The following MYOM1 variants were observed in gnomAD, a reference collection of about 807,000 sequenced individuals.
The protein encoded by MYOM1 is myomesin 1.
A neutral mutation model predicts 205.3 loss-of-function variants in MYOM1; 164 were observed. The ratio of observed to expected loss-of-function variants is 0.80; its 90% CI spans 0.70 to 0.91. The LOEUF (loss-of-function observed/expected upper bound fraction) is 0.91, where lower values mean the gene tolerates loss of function less well. Ranked by LOEUF, MYOM1 falls within the 40% of genes least tolerant of loss-of-function variation. The probability of loss-of-function intolerance (pLI) is 0.00; values close to 1 mark genes in which losing one functional copy is unlikely to be tolerated. For synonymous variants in MYOM1, 772 were observed against 789.4 expected (o/e 0.98, Z 0.37); for missense variants, 2,011 against 2,127.3 (o/e 0.95, Z 1.08).
intron 2 of MYOM1, among the ~76,000 whole-genome samples, chr18:3,202,880 G>A (rs1161000855): frequency 1.3e-5 from 2 of 151,950 alleles, no homozygotes. Context: ...CATTCTCAAG[G>A]AGGGTTCATA....
Position 3,181,713 on chromosome 18 carries a change from C to CT in MYOM1, c.930-5580dup, listed in dbSNP as rs768912089. 7.5e-5 allele frequency among the ~76,000 whole-genome samples: 11 copies of CT among 147,208 alleles called. No homozygotes were observed. In the East Asian group the frequency reaches 2.2e-3, roughly 30 times the overall value. On this transcript the variant is annotated intron_variant, in intron 5 of 37. Coordinates refer to ENST00000356443, the MANE Select transcript of MYOM1 (RefSeq NM_003803.4). ...CTTTAAGTATCTATTTGACAACGAC[C>CT]TTTGGGTGAAACTGAATAATTTTTT... is the stretch of plus-strand genomic sequence containing the variant.
At chr18:3,091,223 G>C (rs933331569) in intron 26 of MYOM1, among the ~76,000 whole-genome samples, 1 of 152,146 alleles carries the variant, frequency 6.6e-6, no homozygotes, top group African/African-American at 2.4e-5. Flanking sequence ...GGCTGAGCCA[G>C]GAGAATTGCT....
At chr18:3,142,198 A>C in intron 13 of MYOM1, 135 bp from the exon 14 acceptor site, 3 of 1,057,794 alleles carry the variant, frequency 2.8e-6, no homozygotes, top group Non-Finnish European at 4.0e-6. Flanking sequence ...CTTCTCTCTA[A>C]AATTCCCCCA....
At chr18:3,147,387 A>C (rs1033646762) in intron 13 of MYOM1, among the ~76,000 whole-genome samples, 2 of 151,992 alleles carry the variant, frequency 1.3e-5, no homozygotes, top group African/African-American at 4.8e-5. Context: ...AAGCTAAATG[A>C]ATGGAGATAC....
Position 3,074,304 on chromosome 18 carries a change from G to GGGAGT in MYOM1, c.4708+1145_4708+1149dup, listed in dbSNP as rs1169786571. ...TGAGCAGGAGGGGGAAAGTGGAGAA[G>GGGAGT]GGAGTGGAGGGGAGCAGTGCAAGTT... On this transcript the variant is annotated intron_variant, in intron 36 of 37. Coordinates refer to ENST00000356443, the MANE Select transcript of MYOM1 (RefSeq NM_003803.4). 2.0e-5 allele frequency among the ~76,000 whole-genome samples: 3 copies of GGGAGT among 152,262 alleles called. No individual in the cohort carries two copies. In the South Asian group the frequency reaches 6.2e-4, roughly 32 times the overall value.
intron 33 of MYOM1, among the ~76,000 whole-genome samples, chr18:3,082,312 C>G (rs902088706): frequency 6.6e-6 from 1 of 152,188 alleles, no homozygotes; most frequent in African/African-American, 2.4e-5. Context: ...CATGATGAAC[C>G]GGGCTCTGGA....
intron 5 of MYOM1, among the ~76,000 whole-genome samples, chr18:3,182,907 T>TTTC: frequency 6.7e-6 from 1 of 149,048 alleles, no homozygotes; most frequent in Non-Finnish European, 1.5e-5. Flanking sequence ...CTAACTTTTC[T>TTTC]TTCTTCTTTT....
At chr18:3,127,664 C>G (rs1179786072) in intron 18 of MYOM1, among the ~76,000 whole-genome samples, 2 of 152,056 alleles carry the variant, frequency 1.3e-5, no homozygotes, top group Non-Finnish European at 2.9e-5. Flanking sequence ...GGCACACTTA[C>G]CCTTGTGAGA....
At chr18:3,141,206 G>A (rs9951727) in intron 14 of MYOM1, among the ~76,000 whole-genome samples, 34,742 of 152,016 alleles carry the variant, frequency 0.23, 4,480 homozygotes, top group East Asian at 0.43. Flanking sequence ...TTCTGTACAG[G>A]TCTTGGCTCT....
At chr18:3,185,619 G>C (rs939099441) in intron 5 of MYOM1, among the ~76,000 whole-genome samples, 1 of 152,158 alleles carries the variant, frequency 6.6e-6, no homozygotes, top group African/African-American at 2.4e-5. Context: ...TATAGTCACA[G>C]AGAAGGGCAG....
chr18:3,108,687 C>T (rs1261923638), intron 22 of MYOM1, among the ~76,000 whole-genome samples: 1 of 151,922 alleles, frequency 6.6e-6, no homozygotes, highest in Non-Finnish European at 1.5e-5. Context: ...ATTACAGGTG[C>T]GGACCACCAC....
At chr18:3,086,633 C>T (rs1050516851) in intron 29 of MYOM1, among the ~76,000 whole-genome samples, 12 of 142,290 alleles carry the variant, frequency 8.4e-5, no homozygotes, top group Non-Finnish European at 4.6e-5. Flanking sequence ...GGGAGGTATG[C>T]TAAGTAAATT....
chr18:3,247,270 C>G, the MYOM1 span: 1 of 152,284 alleles, frequency 6.6e-6, no homozygotes. Context: ...TAAAATTACA[C>G]TGCACACAGA....
intron 5 of MYOM1, among the ~76,000 whole-genome samples, chr18:3,182,100 T>A (rs983422415): frequency 6.6e-6 from 1 of 152,080 alleles, no homozygotes; most frequent in African/African-American, 2.4e-5. Flanking sequence ...GTGTCCAACA[T>A]ATAGATATGA....
intron 12 of MYOM1, among the ~76,000 whole-genome samples, chr18:3,151,282 G>T (rs2080217033): frequency 6.6e-6 from 1 of 151,732 alleles, no homozygotes; most frequent in African/African-American, 2.4e-5. Flanking sequence ...CCAAGGTAAA[G>T]AAATAGACCT....
chr18:3,166,263 C>CTTTTTTTTTT (rs765532198), intron 9 of MYOM1, among the ~76,000 whole-genome samples: 2 of 111,666 alleles, frequency 1.8e-5, no homozygotes, highest in African/African-American at 3.6e-5. Flanking sequence ...TATCTCAAGT[C>CTTTTTTTTTT]TTTTTTTTTT....
chr18:3,079,327 C>G lies in MYOM1; in HGVS notation c.4500G>C (p.Arg1500Ser). The G allele has an allele frequency of 6.2e-7, 1 of 1,610,718 alleles. No individual in the cohort carries two copies. Among genetic ancestry groups the G allele is most frequent in the African/African-American group, 1.3e-5 (1 of 74,950 alleles). ...CCCCGGTCTTAACTCTGTCTGAGTACCTAATGGCGGACCCACTGTGAAAAT... is the reference window on the plus strand; with the variant it reads ...CCCCGGTCTTAACTCTGTCTGAGTAGCTAATGGCGGACCCACTGTGAAAAT... ...VNWSHNGSAI[R>S]YSDRVKTGVT... is the part of the protein sequence containing the mutation. The change falls in exon 34 of 38, where the codon AGG becomes AGC. Residue 1500 changes from arginine to serine, a missense_variant. Transcript: ENST00000356443.
chr18:3,097,717 G>A (rs987325303), intron 25 of MYOM1, among the ~76,000 whole-genome samples: 15 of 152,094 alleles, frequency 9.9e-5, no homozygotes, highest in African/African-American at 1.4e-4. Context: ...GAATGTCAGA[G>A]TTTTAATCAC....
chr18:3,094,717 A>C lies in MYOM1; in HGVS notation c.3728-411T>G, dbSNP rs144309999. Reference sequence around the variant, plus strand: ...CACTCTGTTGCCCAGGCTGGAGTGCAGTGGCATGATCTCGGCTCACTGCAA... The same window carrying C: ...CACTCTGTTGCCCAGGCTGGAGTGCCGTGGCATGATCTCGGCTCACTGCAA... On this transcript the variant is annotated intron_variant, in intron 25 of 37. Coordinates refer to ENST00000356443, the MANE Select transcript of MYOM1 (RefSeq NM_003803.4). 5.4e-3 allele frequency among the ~76,000 whole-genome samples: 818 copies of C among 151,188 alleles called. 6 individuals carry two copies. Among genetic ancestry groups the C allele is most frequent in the African/African-American group, 0.019 (781 of 41,160 alleles).
Sources: gnomAD v4.1 joint callset for allele counts (sites outside exome capture counted in the v4.1 genomes callset) on GRCh38, gnomAD v4.1.1 for gene constraint, MANE v1.5 for transcripts, NCBI Gene and HGNC (gene_info 2026-07-23, HGNC 2026-07-21) for gene names.